FUT8: variants seen among roughly 807,000 people sequenced by gnomAD.
The protein encoded by FUT8 is fucosyltransferase 8.
FUT8 carries 29 observed loss-of-function variants against 71.3 expected under a neutral mutation model. That is an observed-to-expected ratio of 0.41 (90% CI 0.30 to 0.55). The LOEUF is 0.55. FUT8 is among the 20% of genes least tolerant of loss of function. The probability of loss-of-function intolerance (pLI) is 0.34; values close to 1 mark genes in which losing one functional copy is unlikely to be tolerated. For synonymous variants in FUT8, 254 were observed against 239.3 expected, an observed-to-expected ratio of 1.06 and a Z score of -0.57; for missense variants, 544 against 702.1, an observed-to-expected ratio of 0.77 and a Z score of 2.55.
intron 3 of FUT8, among the ~76,000 whole-genome samples, 186 bp from the exon 4 acceptor site, chr14:65,615,792 C>G (rs573676857): frequency 6.6e-5 from 10 of 152,274 alleles, no homozygotes; most frequent in African/African-American, 2.4e-4. Flanking sequence ...TCGTTATTAT[C>G]ATTTCATTGT....
intron 2 of FUT8, among the ~76,000 whole-genome samples, chr14:65,512,569 G>A (rs963560121): frequency 6.6e-6 from 1 of 152,032 alleles, no homozygotes; most frequent in East Asian, 1.9e-4. Flanking sequence ...GTTACTGAAC[G>A]TTCTAAAGGA....
intron 9 of FUT8, among the ~76,000 whole-genome samples, chr14:65,725,438 G>C (rs1895630076): frequency 6.6e-6 from 1 of 152,190 alleles, no homozygotes; most frequent in East Asian, 1.9e-4. Flanking sequence ...TATAGGATCT[G>C]AGTAAACCTG....
chr14:65,564,755 T>C (rs1469492212), intron 3 of FUT8, among the ~76,000 whole-genome samples: 1 of 152,058 alleles, frequency 6.6e-6, no homozygotes, highest in African/African-American at 2.4e-5. Flanking sequence ...CAGAATGTCA[T>C]ATAAATTGAA....
At chr14:65,490,580 C>T (rs1179446306) in intron 2 of FUT8, among the ~76,000 whole-genome samples, 1 of 152,112 alleles carries the variant, frequency 6.6e-6, no homozygotes, top group Non-Finnish European at 1.5e-5. Flanking sequence ...TTTTACTCTA[C>T]TAGGAAATTG....
At chr14:65,450,886 A>G (rs2065812121) in intron 1 of FUT8, among the ~76,000 whole-genome samples, 1 of 145,866 alleles carries the variant, frequency 6.9e-6, no homozygotes, top group Non-Finnish European at 1.5e-5. Context: ...TTTTTTTGAG[A>G]GGGAGTCTTC....
At chr14:65,541,329 T>A (rs1183056662) in intron 2 of FUT8, among the ~76,000 whole-genome samples, 2 of 152,158 alleles carry the variant, frequency 1.3e-5, no homozygotes, top group African/African-American at 4.8e-5. Context: ...ATTCAAGATG[T>A]CCCACCATAT....
rs2066458115 is a variant in FUT8, at chr14:65,489,802, A to C, written c.-228+34084A>C. On this transcript the variant is annotated intron_variant, in intron 2 of 10. Coordinates refer to ENST00000673929, the MANE Select transcript of FUT8 (RefSeq NM_001371533.1). This position sits in a 1 kb window ranked among gnomAD's most constrained non-coding sequence, Gnocchi z 4.0. ...TGGGTCATAGACTTGTTTCATAGTA[A>C]AACAGATGGCATGGCAAGGGAGAAG... Among the ~76,000 whole-genome samples, 1 of 152,116 alleles carries C rather than the reference A, an allele frequency of 6.6e-6. No individual in the cohort carries two copies. The highest frequency in any genetic ancestry group is 1.5e-5 in the Non-Finnish European group (1 of 67,982).
chr14:65,609,917 A>G (rs1888792077), intron 3 of FUT8, among the ~76,000 whole-genome samples: 1 of 151,912 alleles, frequency 6.6e-6, no homozygotes, highest in Admixed American at 6.6e-5. Context: ...TTAAATTTAT[A>G]AGTCGTGCCC....
intron 7 of FUT8, among the ~76,000 whole-genome samples, chr14:65,707,080 A>T (rs982040583): frequency 2.0e-5 from 3 of 152,148 alleles, no homozygotes; most frequent in South Asian, 2.1e-4. Flanking sequence ...ATTATTTTTT[A>T]AAAAATATAG....
At chr14:65,504,301 A>G (rs2066691506) in intron 2 of FUT8, among the ~76,000 whole-genome samples, 1 of 152,230 alleles carries the variant, frequency 6.6e-6, no homozygotes, top group Non-Finnish European at 1.5e-5. Flanking sequence ...TTTGCTTCAA[A>G]GGACCTGTTC....
chr14:65,691,711 C>G (rs1481185924), intron 7 of FUT8, among the ~76,000 whole-genome samples: 2 of 151,800 alleles, frequency 1.3e-5, no homozygotes, highest in Non-Finnish European at 2.9e-5. Context: ...AACAAGTGAA[C>G]AAAGGTCTCT....
chr14:65,409,138 A>C (rs1407168607), upstream of FUT8, among the ~76,000 whole-genome samples: 1 of 152,230 alleles, frequency 6.6e-6, no homozygotes, highest in Non-Finnish European at 1.5e-5. The surrounding 1 kb of genome is among the most constrained non-coding windows in gnomAD (Gnocchi z 5.4). Context: ...TGATTATCTC[A>C]AGGTCACCCC....
At chr14:65,534,015 G>A (rs182881933) in intron 2 of FUT8, among the ~76,000 whole-genome samples, 54 of 152,220 alleles carry the variant, frequency 3.5e-4, no homozygotes, top group Admixed American at 1.4e-3. Flanking sequence ...ATATGCTTCC[G>A]GATTTGTTTC....
At chr14:65,556,179 A>C (rs932432224) in intron 2 of FUT8, among the ~76,000 whole-genome samples, 7 of 152,150 alleles carry the variant, frequency 4.6e-5, no homozygotes, top group African/African-American at 1.7e-4. Flanking sequence ...TTAAAGCAAC[A>C]ATTTATTATC....
intron 2 of FUT8, among the ~76,000 whole-genome samples, chr14:65,506,783 A>G (rs767474230): frequency 6.6e-6 from 1 of 152,206 alleles, no homozygotes; most frequent in Non-Finnish European, 1.5e-5. Context: ...GTTACAGACA[A>G]TCCAAATACA....
In FUT8 at chr14:65,686,150, C is replaced by T. The variant is rs1028096670; in HGVS notation, c.835+16670C>T. On this transcript the variant is annotated intron_variant, in intron 7 of 10. Coordinates refer to ENST00000673929, the MANE Select transcript of FUT8 (RefSeq NM_001371533.1). ...CAGTCTACCTACCATGTGGAGAAGA[C>T]ACCTCAGAAATGGAGAGATTTTATA... 3.3e-5 allele frequency among the ~76,000 whole-genome samples: 5 copies of T among 152,206 alleles called. No homozygotes were observed. In the East Asian group the frequency reaches 7.7e-4, roughly 23 times the overall value.
intron 3 of FUT8, among the ~76,000 whole-genome samples, chr14:65,611,558 A>G (rs1201366946): frequency 6.6e-6 from 1 of 151,984 alleles, no homozygotes. Flanking sequence ...AGACGCTACA[A>G]TATATAATCT....
chr14:65,391,899 G>C, the FUT8 span, among the ~76,000 whole-genome samples: 1 of 152,228 alleles, frequency 6.6e-6, no homozygotes, highest in Non-Finnish European at 1.5e-5. Flanking sequence ...TGGAATTACA[G>C]GTGTGAGACA....
intron 3 of FUT8, among the ~76,000 whole-genome samples, chr14:65,576,021 A>G (rs1295831553): frequency 6.6e-6 from 1 of 152,196 alleles, no homozygotes; most frequent in African/African-American, 2.4e-5. Flanking sequence ...TATATAAATA[A>G]TCACAACTAT....
Sources: allele counts gnomAD v4.1 joint callset (sites outside exome capture counted in the v4.1 genomes callset), GRCh38; gene constraint gnomAD v4.1.1; non-coding constraint Gnocchi (gnomAD v3.1); transcripts MANE v1.5; gene names NCBI Gene and HGNC (gene_info 2026-07-23, HGNC 2026-07-21).